Variants in COL5A2 observed in about 807,000 individuals in gnomAD.
COL5A2 encodes collagen type V alpha 2 chain.
A neutral mutation model predicts 208.2 loss-of-function variants in COL5A2; 23 were observed. The ratio of observed to expected loss-of-function variants is 0.11; its 90% confidence interval spans 0.08 to 0.16. The LOEUF (loss-of-function observed/expected upper bound fraction) is 0.16. COL5A2 is among the 10% of genes least tolerant of loss of function. The pLI is 1.00. For synonymous variants in COL5A2, 625 were observed against 628.5 expected, an observed-to-expected ratio of 0.99 and a Z score of 0.08; for missense variants, 1,590 against 1,956.4, an observed-to-expected ratio of 0.81 and a Z score of 3.53.
At chr2:189,101,750 G>A (rs1337423709) in intron 3 of COL5A2, among the ~76,000 whole-genome samples, 4 of 151,950 alleles carry the variant, frequency 2.6e-5, no homozygotes, top group Non-Finnish European at 5.9e-5. Flanking sequence ...TTGAAGCAGC[G>A]AATACTCTGG....
At chr2:189,325,650 TTC>T in the COL5A2 span, among the ~76,000 whole-genome samples, 1 of 152,200 alleles carries the variant, frequency 6.6e-6, no homozygotes, top group African/African-American at 2.4e-5. Flanking sequence ...TTGAGAGTAT[TTC>T]TCTCATTGAT....
the COL5A2 span, among the ~76,000 whole-genome samples, chr2:189,381,038 G>A: frequency 6.6e-6 from 1 of 152,008 alleles, no homozygotes; most frequent in Admixed American, 6.5e-5. Context: ...CTAAACCGTG[G>A]GAATTACAGC....
chr2:189,104,132 C>T (rs1379466162), intron 3 of COL5A2, 132 bp downstream of exon 3: 4 of 733,326 alleles, frequency 5.5e-6, no homozygotes, highest in East Asian at 2.6e-5. Flanking sequence ...TGCTTATATA[C>T]TTGTCACAAT....
chr2:189,055,735 A>C lies in COL5A2; in HGVS notation c.2391+1238T>G, dbSNP rs111669976. Among the ~76,000 whole-genome samples, 32 of 152,314 alleles carry C rather than the reference A, an allele frequency of 2.1e-4. 1 individual carries two copies. Among genetic ancestry groups the C allele is most frequent in the African/African-American group, 7.5e-4 (31 of 41,578 alleles). ...TTTGCTCTGCTTCTTTCCTGCAACAATGTAGTGTCCTCATTAAAAATAAAG... is the reference window on the plus strand; with the variant it reads ...TTTGCTCTGCTTCTTTCCTGCAACACTGTAGTGTCCTCATTAAAAATAAAG... On this transcript the variant is annotated intron_variant, in intron 35 of 53. Transcript: ENST00000374866.
At chr2:189,036,523 T>C in intron 52 of COL5A2, 93 bp downstream of exon 52, 1 of 1,044,142 alleles carries the variant, frequency 9.6e-7, no homozygotes, top group Non-Finnish European at 1.4e-6. Flanking sequence ...ATAAGCCTGG[T>C]TTAAAAAAAT....
chr2:189,213,723 A>G (rs1386469615), intron 1 of COL5A2, among the ~76,000 whole-genome samples: 1 of 152,208 alleles, frequency 6.6e-6, no homozygotes, highest in Non-Finnish European at 1.5e-5. Context: ...AGTGAACCCC[A>G]ATGCCTATAA....
chr2:189,396,820 C>T, the COL5A2 span, among the ~76,000 whole-genome samples: 2 of 151,770 alleles, frequency 1.3e-5, no homozygotes, highest in African/African-American at 4.8e-5. Flanking sequence ...TGGTGAAACA[C>T]CGTCTCTACT....
the COL5A2 span, among the ~76,000 whole-genome samples, chr2:189,251,154 A>G: frequency 1.3e-5 from 2 of 152,220 alleles, no homozygotes; most frequent in Non-Finnish European, 2.9e-5. Flanking sequence ...AAATTTTTAA[A>G]TATTTGTTGA....
At chr2:189,260,071 A>C in the COL5A2 span, among the ~76,000 whole-genome samples, 1 of 152,230 alleles carries the variant, frequency 6.6e-6, no homozygotes. Context: ...AGGCATCATG[A>C]CACTGTGTTC....
chr2:189,263,689 A>G, the COL5A2 span, among the ~76,000 whole-genome samples: 1 of 152,054 alleles, frequency 6.6e-6, no homozygotes, highest in African/African-American at 2.4e-5. Context: ...CTTTTATATC[A>G]TATTTGTTAC....
the COL5A2 span, among the ~76,000 whole-genome samples, chr2:189,416,726 T>C: frequency 1.3e-5 from 2 of 152,160 alleles, no homozygotes; most frequent in Middle Eastern, 3.4e-3. Flanking sequence ...ATAAAATTTT[T>C]TAAAAAAATC....
At chr2:189,425,778 G>C in the COL5A2 span, among the ~76,000 whole-genome samples, 1 of 152,108 alleles carries the variant, frequency 6.6e-6, no homozygotes, top group African/African-American at 2.4e-5. Flanking sequence ...GTTCTCATGA[G>C]ATCCAGTTGT....
chr2:189,296,034 A>G, the COL5A2 span, among the ~76,000 whole-genome samples: 3 of 152,308 alleles, frequency 2.0e-5, no homozygotes, highest in African/African-American at 7.2e-5. Flanking sequence ...TTAAAAAAAT[A>G]GAAAACATAC....
the COL5A2 span, among the ~76,000 whole-genome samples, chr2:189,267,776 G>A: frequency 6.6e-6 from 1 of 151,902 alleles, no homozygotes; most frequent in African/African-American, 2.4e-5. Context: ...AAGCTTTTAG[G>A]GTCAAACATA....
intron 1 of COL5A2, among the ~76,000 whole-genome samples, chr2:189,146,479 C>T (rs1688042025): frequency 6.6e-6 from 1 of 152,036 alleles, no homozygotes; most frequent in Admixed American, 6.6e-5. Flanking sequence ...TTGGATTTTC[C>T]GAGTCTAGGC....
chr2:189,410,155 AT>A, the COL5A2 span, among the ~76,000 whole-genome samples: 3 of 152,178 alleles, frequency 2.0e-5, no homozygotes, highest in Non-Finnish European at 2.9e-5. Context: ...CATAGAATTT[AT>A]TTTTTAACAT....
the COL5A2 span, among the ~76,000 whole-genome samples, chr2:189,423,023 CAAAAA>C: frequency 2.7e-5 from 3 of 112,822 alleles, no homozygotes; most frequent in East Asian, 2.4e-4. Flanking sequence ...AACTCTGTCT[CAAAAA>C]AAAAAAAAAA....
the COL5A2 span, among the ~76,000 whole-genome samples, chr2:189,287,917 T>C: frequency 2.0e-5 from 3 of 152,174 alleles, no homozygotes; most frequent in East Asian, 3.8e-4. Context: ...GTCTCACACA[T>C]TTCAAAAACT....
chr2:189,208,136 C>T (rs1293678505), intron 1 of COL5A2, among the ~76,000 whole-genome samples: 2 of 152,166 alleles, frequency 1.3e-5, no homozygotes, highest in African/African-American at 4.8e-5. Context: ...TCAAAGTCAA[C>T]TTGACTAAAT....
Sources: allele counts gnomAD v4.1 joint callset (sites outside exome capture counted in the v4.1 genomes callset), GRCh38; gene constraint gnomAD v4.1.1; transcripts MANE v1.5; gene names NCBI Gene and HGNC (gene_info 2026-07-23, HGNC 2026-07-21).